Variants in CADPS observed in about 807,000 individuals in gnomAD.
CADPS encodes the protein calcium-dependent secretion activator 1.
A neutral mutation model predicts 167.3 loss-of-function variants in CADPS; 57 were observed. That is an observed-to-expected ratio of 0.34 (90% CI 0.28 to 0.42). The LOEUF is 0.42. Among genes scored for constraint, CADPS ranks in the 20% least tolerant of loss-of-function variants. The probability of loss-of-function intolerance (pLI) is 1.00; values close to 1 mark genes in which losing one functional copy is unlikely to be tolerated. For missense variants in CADPS, 1,414 were observed against 1,738.1 expected, an observed-to-expected ratio of 0.81 and a Z score of 3.32; for synonymous variants, 676 against 635.3, an observed-to-expected ratio of 1.06 and a Z score of -0.96.
chr3:62,625,192 TAA>T, intron 6 of CADPS: 1 of 150,148 alleles, frequency 6.7e-6, no homozygotes, highest in East Asian at 1.9e-4. Context: ...TAATTTTTTT[TAA>T]AGACTACACA....
chr3:62,769,297 T>C (rs1228185122), intron 1 of CADPS, among the ~76,000 whole-genome samples: 1 of 150,892 alleles, frequency 6.6e-6, no homozygotes, highest in East Asian at 2.0e-4. Context: ...AGTGGTGTGA[T>C]CTCGGCTCAC....
intron 21 of CADPS, among the ~76,000 whole-genome samples, chr3:62,488,079 T>C (rs921751231): frequency 2.0e-5 from 3 of 152,240 alleles, no homozygotes; most frequent in Admixed American, 2.0e-4. Flanking sequence ...TGTGTATGTA[T>C]GTATTGGAAG....
At position 62,605,871 on chromosome 3, in the gene CADPS, A is replaced by T. The variant is rs1251282366; in HGVS notation, c.1326-13123T>A. ...GAATCAAACATCATGAAATGAGCTG[A>T]CCTTGCAAATGTTTTCCAAACCATC... On this transcript the variant is annotated intron_variant, in intron 6 of 29. Transcript: ENST00000383710. Among the ~76,000 whole-genome samples, 3 of 152,200 alleles carry T rather than the reference A, an allele frequency of 2.0e-5. No homozygotes were observed. The East Asian group carries it at 5.8e-4, about 29-fold the overall frequency.
rs2074004262 is a variant in CADPS, at chr3:62,532,866, C to A, written c.2291+5G>T. On this transcript the variant is annotated splice_donor_5th_base_variant and intron_variant, in intron 13 of 29. Transcript: ENST00000383710. ...TCACCTCTAGACACACGAACACACA[C>A]TTACCTGTTCCCATGGACATGGGAT... 1 of 1,613,076 alleles carries A rather than the reference C, an allele frequency of 6.2e-7. No individual in the cohort carries two copies. Among genetic ancestry groups the A allele is most frequent in the Non-Finnish European group, 8.5e-7 (1 of 1,179,474 alleles).
intron 6 of CADPS, among the ~76,000 whole-genome samples, chr3:62,632,057 T>C (rs17066699): frequency 6.6e-6 from 1 of 152,134 alleles, no homozygotes; most frequent in Non-Finnish European, 1.5e-5. Context: ...TTCACCAACA[T>C]ACAGGACATA....
At chr3:62,434,421 A>G (rs1003039538) in intron 28 of CADPS, among the ~76,000 whole-genome samples, 4 of 152,172 alleles carry the variant, frequency 2.6e-5, no homozygotes, top group African/African-American at 9.7e-5. Flanking sequence ...TTTTATAGAA[A>G]GACTAGGTAA....
rs1295944818 is a variant in CADPS at position 62,645,772 on chromosome 3, C to T, written c.1275G>A (p.Val425=). Reference sequence around the variant, plus strand: ...CAGTCTGTAGTTTCTCTCCTCCTTCCACCTCCATTGTGCAATATACGATGC... The same window carrying T: ...CAGTCTGTAGTTTCTCTCCTCCTTCTACCTCCATTGTGCAATATACGATGC... ...PNRIVYCTME[V]EGGEKLQTDQ... The change falls in exon 6 of 30, where the codon GTG becomes GTA. Residue 425 remains valine (V), a synonymous_variant. Coordinates refer to ENST00000383710, the MANE Select transcript of CADPS (RefSeq NM_003716.4). 1 of 1,613,936 alleles carries T rather than the reference C, an allele frequency of 6.2e-7. No individual in the cohort carries two copies. The highest frequency in any genetic ancestry group is 1.7e-5 in the Admixed American group (1 of 60,004).
intron 3 of CADPS, among the ~76,000 whole-genome samples, chr3:62,746,423 C>T (rs993838479): frequency 6.6e-6 from 1 of 152,114 alleles, no homozygotes; most frequent in Non-Finnish European, 1.5e-5. Context: ...TCAGCCTTCA[C>T]CTCCTGGTCT....
At position 62,405,460 on chromosome 3, in the gene CADPS, A is replaced by AAT. The variant is rs1553695729; in HGVS notation, c.3778-2276_3778-2275insAT. Among the ~76,000 whole-genome samples, 59 of 150,668 alleles carry AAT rather than the reference A, an allele frequency of 3.9e-4. No homozygotes were observed. The South Asian group carries it at 8.6e-3, about 22-fold the overall frequency. On this transcript the variant is annotated intron_variant, in intron 28 of 29. Transcript: ENST00000383710. ...TGCCACCTTTCAGGAAAAAAAAAAA[A>AAT]AAAATAAAATAACGCAACCCCCTGC...
At chr3:62,567,554 C>G (rs1392065656) in intron 9 of CADPS, among the ~76,000 whole-genome samples, 4 of 131,336 alleles carry the variant, frequency 3.0e-5, no homozygotes, top group African/African-American at 1.1e-4. Flanking sequence ...CCATCCATGA[C>G]TAAGCACTGC....
At chr3:62,525,206 T>C (rs1389533210) in intron 13 of CADPS, among the ~76,000 whole-genome samples, 1 of 152,154 alleles carries the variant, frequency 6.6e-6, no homozygotes, top group African/African-American at 2.4e-5. Flanking sequence ...CAAGATTTCA[T>C]GTCTCGATGG....
rs1299340344 is a variant in CADPS, at chr3:62,421,350, G to A, written c.3777+16754C>T. ...GCTCTCAGTACTTGAGGCGCACAGC[G>A]AGCGCCTGAATGGGGCAAACCTCCT... On this transcript the variant is annotated intron_variant, in intron 28 of 29. Transcript: ENST00000383710. This position sits in a 1 kb window ranked among gnomAD's most constrained non-coding sequence, Gnocchi z 4.7. Among the ~76,000 whole-genome samples the A allele has an allele frequency of 2.0e-5, 3 of 152,020 alleles. No homozygotes were observed. The highest frequency in any genetic ancestry group is 2.9e-5 in the Non-Finnish European group (2 of 68,002).
intron 1 of CADPS, among the ~76,000 whole-genome samples, chr3:62,846,554 ACGCT>A (rs1294964834): frequency 6.6e-6 from 1 of 152,146 alleles, no homozygotes; most frequent in African/African-American, 2.4e-5. Flanking sequence ...TACATGATAA[ACGCT>A]TGATTCTTTC....
chr3:62,402,249 G>GT (rs1479289794), intron 29 of CADPS, among the ~76,000 whole-genome samples: 5 of 133,884 alleles, frequency 3.7e-5, no homozygotes, highest in East Asian at 2.6e-4. Flanking sequence ...CGGGGGGGGG[G>GT]GGTGCCCAGG....
In CADPS at chr3:62,438,139, C is replaced by G. The variant is rs751860249; in HGVS notation, c.3742G>C (p.Val1248Leu). 1.2e-6 allele frequency: 2 copies of G among 1,613,624 alleles called. No individual in the cohort carries two copies. Among genetic ancestry groups the G allele is most frequent in the East Asian group, 2.2e-5 (1 of 44,870 alleles). Residue 1248 changes from valine to leucine, a missense_variant, in exon 28 of 30, where the codon GTC (valine) becomes CTC (leucine). Val to Leu is a conservative substitution (Grantham distance 32, BLOSUM62 1). Transcript: ENST00000383710. The surrounding 1 kb of genome is among the most constrained non-coding windows in gnomAD (Gnocchi z 4.7). ...RHSQDVLRDK[V>L]NEEMYIERLF... ...CTTTCTATGTACATCTCCTCATTGA[C>G]CTTATCACGCAGGACATCCTGAGAA... is the stretch of plus-strand genomic sequence containing the variant.
chr3:62,846,350 A>C (rs1041576661), intron 1 of CADPS, among the ~76,000 whole-genome samples: 3 of 152,170 alleles, frequency 2.0e-5, no homozygotes, highest in African/African-American at 7.2e-5. Context: ...GTAATGTATA[A>C]ATGTATAATG....
At chr3:62,651,141 G>T (rs1474669963) in intron 4 of CADPS, 61 bp from the exon 5 acceptor site, 3 of 1,201,100 alleles carry the variant, frequency 2.5e-6, no homozygotes, top group Non-Finnish European at 2.4e-6. Flanking sequence ...TTATAAAGAA[G>T]GTCTTTGTCC....
intron 28 of CADPS, among the ~76,000 whole-genome samples, chr3:62,432,793 G>A (rs1029690830): frequency 6.6e-5 from 10 of 152,160 alleles, no homozygotes; most frequent in African/African-American, 2.2e-4. Flanking sequence ...AGCTAGTAAG[G>A]ATCAGGTCTG....
At chr3:62,535,266 T>TTCC (rs2074457043) in intron 12 of CADPS, among the ~76,000 whole-genome samples, 1 of 150,978 alleles carries the variant, frequency 6.6e-6, no homozygotes, top group African/African-American at 2.4e-5. Context: ...AAGTGATGTG[T>TTCC]TCCTTTCCAA....
Sources: allele counts gnomAD v4.1 joint callset (sites outside exome capture counted in the v4.1 genomes callset), GRCh38; gene constraint gnomAD v4.1.1; non-coding constraint Gnocchi (gnomAD v3.1); transcripts MANE v1.5; gene names NCBI Gene and HGNC (gene_info 2026-07-23, HGNC 2026-07-21).